Variants in LPP observed in about 807,000 individuals in gnomAD.
LPP encodes LIM domain containing preferred translocation partner in lipoma.
Under a neutral mutation model 60.4 loss-of-function variants are expected in LPP, and 38 were observed. The observed-to-expected ratio is 0.63, with a 90% CI of 0.49 to 0.83. The LOEUF (loss-of-function observed/expected upper bound fraction) is 0.83, where lower values mean the gene tolerates loss of function less well. Among genes scored for constraint, LPP ranks in the 40% least tolerant of loss-of-function variants. LPP has a pLI of 0.00. For missense variants in LPP, 902 were observed against 783.6 expected (o/e 1.15, Z -1.80); for synonymous variants, 328 against 290.8 (o/e 1.13, Z -1.30).
chr3:188,738,701 TG>T (rs1441177741), intron 8 of LPP, among the ~76,000 whole-genome samples: 1 of 152,182 alleles, frequency 6.6e-6, no homozygotes, highest in Non-Finnish European at 1.5e-5. Context: ...TTCTTAACTT[TG>T]AATACTTAAT....
intron 9 of LPP, among the ~76,000 whole-genome samples, chr3:188,804,458 G>A (rs931294684): frequency 1.1e-4 from 17 of 151,114 alleles, no homozygotes; most frequent in African/African-American, 4.1e-4. Flanking sequence ...CATACAGAAT[G>A]AAATAAAGGT....
chr3:188,166,156 G>C (rs1719882280), intron 1 of LPP, among the ~76,000 whole-genome samples: 1 of 151,498 alleles, frequency 6.6e-6, no homozygotes, highest in South Asian at 2.1e-4. Context: ...TATCAACCCT[G>C]ATTTTTTTTT....
In LPP at chr3:188,708,381, G is replaced by A. The variant is rs368377691; in HGVS notation, c.1228G>A (p.Asp410Asn). ...GTATGACATGGAAAATCCACCTGCTGACGAATACTTTGGTGAGTGGGGCCT... is the reference window on the plus strand; with the variant it reads ...GTATGACATGGAAAATCCACCTGCTAACGAATACTTTGGTGAGTGGGGCCT... ...MLYDMENPPA[D>N]EYFGRCARCG... The change falls in exon 8 of 12, where the codon GAC becomes AAC. Residue 410 changes from aspartate (D) to asparagine (N), a missense_variant. Coordinates refer to ENST00000617246, the MANE Select transcript of LPP (RefSeq NM_001375462.1). 43 of 1,614,088 alleles carry A rather than the reference G, an allele frequency of 2.7e-5. No homozygotes were observed. Among genetic ancestry groups the A allele is most frequent in the Non-Finnish European group, 3.5e-5 (41 of 1,180,028 alleles).
rs575374622 is a variant in LPP, at chr3:188,868,864, GGA to G, written c.1589+2493_1589+2494del. Among the ~76,000 whole-genome samples, 15 of 152,290 alleles carry G rather than the reference GGA, an allele frequency of 9.8e-5. No individual in the cohort carries two copies. In the East Asian group the frequency reaches 2.9e-3, roughly 29 times the overall value. The stretch of plus-strand genomic sequence containing the variant: ...GCCAATTGTTGCATTAAATGCTGAA[GGA>G]GAGAGATACAAGGAGAGAAATTGTG... On this transcript the variant is annotated intron_variant, in intron 10 of 11. Coordinates refer to ENST00000617246, the MANE Select transcript of LPP (RefSeq NM_001375462.1).
chr3:188,360,827 C>T (rs992392633), intron 3 of LPP, among the ~76,000 whole-genome samples: 6 of 152,136 alleles, frequency 3.9e-5, no homozygotes, highest in Non-Finnish European at 7.3e-5. Flanking sequence ...TCTTACTAGC[C>T]GTGTGTTCTT....
chr3:188,839,252 G>C (rs1190527672), intron 9 of LPP, among the ~76,000 whole-genome samples: 1 of 152,070 alleles, frequency 6.6e-6, no homozygotes. Flanking sequence ...ATATAAACAG[G>C]GAAAACATTT....
chr3:188,647,402 T>A (rs1851311209), intron 7 of LPP, among the ~76,000 whole-genome samples: 1 of 152,182 alleles, frequency 6.6e-6, no homozygotes, highest in African/African-American at 2.4e-5. Flanking sequence ...AAAAAAATAT[T>A]TGCCTGCAAG....
chr3:188,630,881 G>A (rs1371044544), intron 7 of LPP, among the ~76,000 whole-genome samples: 2 of 152,190 alleles, frequency 1.3e-5, no homozygotes, highest in East Asian at 1.9e-4. Flanking sequence ...CAGGGACATG[G>A]ATGGAGCTGG....
At chr3:188,767,153 G>A (rs1422466275) in intron 9 of LPP, among the ~76,000 whole-genome samples, 2 of 152,048 alleles carry the variant, frequency 1.3e-5, no homozygotes, top group Non-Finnish European at 2.9e-5. Context: ...ATGGTGAAAA[G>A]CAATGAAGTA....
At chr3:188,468,079 A>G (rs537176026) in intron 4 of LPP, among the ~76,000 whole-genome samples, 15 of 152,276 alleles carry the variant, frequency 9.9e-5, no homozygotes, top group Middle Eastern at 6.8e-3. Flanking sequence ...AAATCATTTT[A>G]GTCCATTTCC....
At chr3:188,808,159 T>C (rs1161769340) in intron 9 of LPP, among the ~76,000 whole-genome samples, 1 of 152,122 alleles carries the variant, frequency 6.6e-6, no homozygotes, top group African/African-American at 2.4e-5. Flanking sequence ...TGAGGAGTGG[T>C]TTTCCAAAAG....
intron 6 of LPP, among the ~76,000 whole-genome samples, chr3:188,557,207 A>G (rs1221664187): frequency 1.3e-5 from 2 of 152,020 alleles, no homozygotes; most frequent in Non-Finnish European, 2.9e-5. Flanking sequence ...ACGTGCCTTC[A>G]TGCGTTACAA....
intron 3 of LPP, among the ~76,000 whole-genome samples, chr3:188,359,513 A>G (rs978377305): frequency 6.6e-6 from 1 of 152,152 alleles, no homozygotes; most frequent in Non-Finnish European, 1.5e-5. Context: ...TTCACCCTGC[A>G]TTGGCCCGAA....
At chr3:188,501,747 C>A (rs1201154912) in intron 5 of LPP, among the ~76,000 whole-genome samples, 4 of 146,450 alleles carry the variant, frequency 2.7e-5, no homozygotes, top group Non-Finnish European at 6.0e-5. Flanking sequence ...TCAAAAAAAA[C>A]AAAAACCAAA....
chr3:188,725,640 A>T (rs1362783292), intron 8 of LPP: 1 of 152,178 alleles, frequency 6.6e-6, no homozygotes, highest in African/African-American at 2.4e-5. Flanking sequence ...TTCTCCATTT[A>T]TTCAATAATT....
chr3:188,329,100 T>C (rs1468058133), intron 2 of LPP, among the ~76,000 whole-genome samples: 2 of 152,152 alleles, frequency 1.3e-5, no homozygotes, highest in Non-Finnish European at 2.9e-5. Context: ...ATTTTGAACT[T>C]GTGGACTCTT....
At chr3:188,712,366 C>G (rs1439183137) in intron 8 of LPP, 1 of 152,208 alleles carries the variant, frequency 6.6e-6, no homozygotes, top group African/African-American at 2.4e-5. Flanking sequence ...ATGGGGCTCA[C>G]GGGTTCCTAG....
chr3:188,689,063 C>T (rs1394519652), intron 7 of LPP, among the ~76,000 whole-genome samples: 1 of 152,192 alleles, frequency 6.6e-6, no homozygotes, highest in African/African-American at 2.4e-5. Context: ...ATGCTATTTC[C>T]TCCTCTATCT....
rs372509873 is a variant in LPP at position 188,173,516 on chromosome 3, C to CA, written c.-190+19272dup. On this transcript the variant is annotated intron_variant, in intron 1 of 11. Transcript: ENST00000617246. ...GACTCCGTCTCAAAAAAAACAAAAA[C>CA]AAAAAAAACAAACAAAAAAAACCAA... Among the ~76,000 whole-genome samples the CA allele has an allele frequency of 2.0e-4, 30 of 150,802 alleles. 1 individual carries two copies. Among genetic ancestry groups the CA allele is most frequent in the African/African-American group, 4.1e-4 (17 of 41,102 alleles).
Sources: allele counts gnomAD v4.1 joint callset (sites outside exome capture counted in the v4.1 genomes callset), GRCh38; gene constraint gnomAD v4.1.1; transcripts MANE v1.5; gene names NCBI Gene and HGNC (gene_info 2026-07-23, HGNC 2026-07-21).